The following GRM5 variants were observed in gnomAD, a reference collection of about 807,000 sequenced individuals.
The protein encoded by GRM5 is metabotropic glutamate receptor 5.
Under a neutral mutation model 83.1 loss-of-function variants are expected in GRM5, and 19 were observed. The ratio of observed to expected loss-of-function variants is 0.23; its 90% CI spans 0.16 to 0.34. The LOEUF (loss-of-function observed/expected upper bound fraction) is 0.34. Ranked by LOEUF, GRM5 falls within the 10% of genes least tolerant of loss-of-function variation. The probability of loss-of-function intolerance (pLI) is 1.00; values close to 1 mark genes in which losing one functional copy is unlikely to be tolerated. For missense variants in GRM5, 1,160 were observed against 1,588.3 expected (o/e 0.73, Z 4.58); for synonymous variants, 675 against 633.6 (o/e 1.07, Z -0.98).
intron 3 of GRM5, among the ~76,000 whole-genome samples, chr11:88,677,473 A>G (rs1343293443): frequency 6.6e-6 from 1 of 152,130 alleles, no homozygotes; most frequent in Non-Finnish European, 1.5e-5. Context: ...TCACTGGACA[A>G]TAGCATATGA....
At chr11:88,551,956 T>G (rs1203814929) in intron 8 of GRM5, among the ~76,000 whole-genome samples, 2 of 152,108 alleles carry the variant, frequency 1.3e-5, no homozygotes, top group Non-Finnish European at 2.9e-5. Context: ...GTGTGTGAGG[T>G]GTATGTTTTT....
chr11:88,901,202 C>T (rs1194190438), intron 2 of GRM5, among the ~76,000 whole-genome samples: 4 of 151,890 alleles, frequency 2.6e-5, no homozygotes, highest in Non-Finnish European at 5.9e-5. Context: ...TGTCGGTTTC[C>T]TTATCAATGG....
intron 4 of GRM5, among the ~76,000 whole-genome samples, chr11:88,633,012 T>C (rs574401151): frequency 6.6e-6 from 1 of 152,314 alleles, no homozygotes; most frequent in South Asian, 2.1e-4. Flanking sequence ...ATCAATATTT[T>C]GAACAAGCAT....
chr11:88,621,668 A>G (rs2135257218), intron 4 of GRM5, among the ~76,000 whole-genome samples: 1 of 152,326 alleles, frequency 6.6e-6, no homozygotes, highest in South Asian at 2.1e-4. Context: ...GTGCTTATTT[A>G]TTCACACAGT....
At chr11:88,596,931 C>A (rs901356273) in intron 6 of GRM5, among the ~76,000 whole-genome samples, 2 of 151,930 alleles carry the variant, frequency 1.3e-5, no homozygotes, top group African/African-American at 4.8e-5. Context: ...CCCAGGAAGT[C>A]ATGTCTTTAA....
chr11:88,508,769 C>T lies in GRM5; in HGVS notation c.3462G>A (p.Lys1154=), dbSNP rs1189921324. The T allele has an allele frequency of 6.7e-7, 1 of 1,492,812 alleles. No homozygotes were observed. 92.5% of individuals were successfully genotyped at this position (1,492,812 alleles called of 1,614,324 possible). ...GAGCCACCAGCTCCTCCAGGTCTGG[C>T]TTGGCGGCCGCAGCCTCGGGACCGG... The part of the protein sequence containing the change: ...PAAGPEAAAA[K]PDLEELVALT... The change falls in exon 10 of 10, where the codon AAG becomes AAA. Residue 1154 remains lysine, a synonymous_variant. Coordinates refer to ENST00000305447, the MANE Select transcript of GRM5 (RefSeq NM_001143831.3). This position sits in a 1 kb window ranked among gnomAD's most constrained non-coding sequence, Gnocchi z 4.2.
intron 3 of GRM5, among the ~76,000 whole-genome samples, chr11:88,683,261 GT>G (rs1412455193): frequency 2.0e-5 from 3 of 152,136 alleles, no homozygotes; most frequent in Non-Finnish European, 4.4e-5. Context: ...CCCCCATGGG[GT>G]ATGGGTGTTT....
chr11:88,730,109 GA>G (rs1941774094), intron 3 of GRM5, among the ~76,000 whole-genome samples: 1 of 152,148 alleles, frequency 6.6e-6, no homozygotes, highest in Admixed American at 6.5e-5. Context: ...CAGAATGGGA[GA>G]AAATTTTTGC....
intron 2 of GRM5, among the ~76,000 whole-genome samples, chr11:88,931,798 T>G (rs1218555533): frequency 6.6e-6 from 1 of 152,180 alleles, no homozygotes; most frequent in Non-Finnish European, 1.5e-5. Flanking sequence ...GGCTGAAATA[T>G]TTTTGAGGCT....
At chr11:88,960,683 A>G (rs1938755175) in intron 2 of GRM5, among the ~76,000 whole-genome samples, 1 of 152,166 alleles carries the variant, frequency 6.6e-6, no homozygotes, top group South Asian at 2.1e-4. Context: ...TGAGATGAAC[A>G]TGTTTGAGCT....
intron 8 of GRM5, among the ~76,000 whole-genome samples, chr11:88,553,965 C>T (rs1942567665): frequency 6.6e-6 from 1 of 152,136 alleles, no homozygotes; most frequent in Non-Finnish European, 1.5e-5. Context: ...AAGGATCATT[C>T]ATCTGGGATC....
chr11:88,836,408 T>A (rs559645309), intron 3 of GRM5, among the ~76,000 whole-genome samples: 1 of 152,338 alleles, frequency 6.6e-6, no homozygotes, highest in East Asian at 1.9e-4. Flanking sequence ...AATAGAAATA[T>A]ACATATGTAT....
intron 9 of GRM5, among the ~76,000 whole-genome samples, 197 bp downstream of exon 9, chr11:88,525,112 A>G (rs966623251): frequency 4.6e-5 from 7 of 152,234 alleles, no homozygotes; most frequent in Non-Finnish European, 5.9e-5. Context: ...CATCTGGGAC[A>G]GGAGGCTCCC....
At chr11:88,860,459 C>T (rs1300276825) in intron 2 of GRM5, among the ~76,000 whole-genome samples, 1 of 152,144 alleles carries the variant, frequency 6.6e-6, no homozygotes, top group East Asian at 1.9e-4. Flanking sequence ...TTTATTTTGC[C>T]TGTTTTAGCT....
intron 2 of GRM5, among the ~76,000 whole-genome samples, chr11:88,943,101 T>C (rs973266900): frequency 1.1e-4 from 16 of 152,104 alleles, no homozygotes; most frequent in Non-Finnish European, 2.2e-4. Flanking sequence ...AGAGATTAAC[T>C]GATGAACTCT....
chr11:88,876,418 T>C (rs1211481294), intron 2 of GRM5, among the ~76,000 whole-genome samples: 1 of 152,164 alleles, frequency 6.6e-6, no homozygotes, highest in Non-Finnish European at 1.5e-5. Context: ...TAAAACTTTC[T>C]CTGTATCTGC....
chr11:88,979,699 C>A (rs534878929), intron 2 of GRM5, among the ~76,000 whole-genome samples: 2 of 152,088 alleles, frequency 1.3e-5, no homozygotes, highest in East Asian at 3.9e-4. Flanking sequence ...GTGCTTAGGT[C>A]TGATGCTTCT....
chr11:88,899,016 G>A (rs763550230), intron 2 of GRM5, among the ~76,000 whole-genome samples: 5 of 151,804 alleles, frequency 3.3e-5, no homozygotes, highest in Non-Finnish European at 5.9e-5. Flanking sequence ...AGGGATATAC[G>A]TATTTTGCTT....
intron 4 of GRM5, among the ~76,000 whole-genome samples, chr11:88,630,062 G>C (rs1195530530): frequency 6.6e-6 from 1 of 152,050 alleles, no homozygotes; most frequent in Non-Finnish European, 1.5e-5. Context: ...TCCTTCTCCT[G>C]AAATCATCTT....
Sources: gnomAD v4.1 joint callset for allele counts (sites outside exome capture counted in the v4.1 genomes callset) on GRCh38, gnomAD v4.1.1 for gene constraint, Gnocchi (gnomAD v3.1) non-coding constraint, MANE v1.5 for transcripts, NCBI Gene and HGNC (gene_info 2026-07-23, HGNC 2026-07-21) for gene names.